The following COPG2 variants were observed in gnomAD, a reference collection of about 807,000 sequenced individuals.
COPG2 encodes coat protein complex I subunit gamma 2, also known as coatomer subunit gamma-2.
COPG2 carries 37 observed loss-of-function variants against 46.3 expected under a neutral mutation model. That is an observed-to-expected ratio of 0.80 (90% CI 0.61 to 1.05). COPG2 has a LOEUF of 1.05. COPG2 is among the 50% of genes least tolerant of loss of function. COPG2 has a pLI of 0.00. For missense variants in COPG2, 427 were observed against 387.8 expected, an observed-to-expected ratio of 1.10 and a Z score of -0.85; for synonymous variants, 159 against 129.7, an observed-to-expected ratio of 1.23 and a Z score of -1.53.
intron 20 of COPG2, among the ~76,000 whole-genome samples, chr7:130,517,768 G>C (rs1365972204): frequency 6.6e-6 from 1 of 152,228 alleles, no homozygotes; most frequent in African/African-American, 2.4e-5. Context: ...AGGATAAGAA[G>C]AAAGGATTTT....
chr7:130,650,640 G>A (rs1368347319), intron 5 of COPG2, among the ~76,000 whole-genome samples: 3 of 151,862 alleles, frequency 2.0e-5, no homozygotes, highest in Non-Finnish European at 2.9e-5. Context: ...CCTAATACTT[G>A]GGCTATAAAA....
At chr7:130,609,752 C>G (rs1794805395) in intron 9 of COPG2, among the ~76,000 whole-genome samples, 2 of 152,066 alleles carry the variant, frequency 1.3e-5, no homozygotes, top group Admixed American at 6.5e-5. Context: ...TCTTTAAGTT[C>G]TCTAATCTTT....
chr7:130,605,919 T>G (rs1261528215), intron 9 of COPG2: 2 of 383,008 alleles, frequency 5.2e-6, no homozygotes, highest in Non-Finnish European at 5.2e-6. Context: ...TTTTGGTACC[T>G]GTAAGTGAAG....
In COPG2 at chr7:130,607,840, A is replaced by C. The variant is rs1794764522; in HGVS notation, c.737+3113T>G. Reference sequence around the variant, plus strand: ...TACAGAATGCCCTCAGGAGAATAGCAAAAAAACCCCACAAATTTCACCCAG... The same window carrying C: ...TACAGAATGCCCTCAGGAGAATAGCCAAAAAACCCCACAAATTTCACCCAG... On this transcript the variant is annotated intron_variant, in intron 9 of 23. Transcript: ENST00000425248. 9.7e-6 allele frequency: 5 copies of C among 516,392 alleles called. No homozygotes were observed. In the East Asian group the frequency reaches 2.7e-4, roughly 28 times the overall value. 32.0% of individuals were successfully genotyped at this position (516,392 alleles called of 1,614,324 possible). A position where few individuals can be genotyped will look rare whatever the true frequency, so the allele number is the denominator to read the frequency against.
intron 5 of COPG2, among the ~76,000 whole-genome samples, chr7:130,629,794 T>G (rs925193150): frequency 7.2e-5 from 11 of 152,180 alleles, no homozygotes; most frequent in Admixed American, 6.5e-4. Context: ...TTAGGCATTT[T>G]TATAGACCTA....
intron 15 of COPG2, among the ~76,000 whole-genome samples, chr7:130,551,807 TATA>T (rs1207723065): frequency 3.3e-5 from 5 of 152,374 alleles, no homozygotes; most frequent in South Asian, 2.1e-4. Context: ...CTGCTTCAAT[TATA>T]AGATGCAATC....
intron 20 of COPG2, among the ~76,000 whole-genome samples, chr7:130,524,848 C>T (rs1304514904): frequency 1.3e-5 from 2 of 151,974 alleles, no homozygotes; most frequent in African/African-American, 2.4e-5. Context: ...GGATTGAGTT[C>T]GACAGAGGAA....
At chr7:130,603,890 T>A (rs369182925) in intron 9 of COPG2, 2 of 517,648 alleles carry the variant, frequency 3.9e-6, no homozygotes, top group Non-Finnish European at 7.7e-6. Context: ...AATAACCTAC[T>A]ATTAATCATC....
At chr7:130,550,286 C>A (rs1793516548) in intron 17 of COPG2, among the ~76,000 whole-genome samples, 1 of 151,632 alleles carries the variant, frequency 6.6e-6, no homozygotes, top group South Asian at 2.1e-4. Flanking sequence ...TGGCGCATGC[C>A]TGTAATCCCA....
chr7:130,656,037 T>C (rs1211767530), intron 4 of COPG2, among the ~76,000 whole-genome samples: 1 of 152,186 alleles, frequency 6.6e-6, no homozygotes, highest in Non-Finnish European at 1.5e-5. Flanking sequence ...TATGGCTCAA[T>C]ATACAATCAA....
chr7:130,642,618 T>A (rs1254043833), intron 5 of COPG2, among the ~76,000 whole-genome samples: 1 of 152,252 alleles, frequency 6.6e-6, no homozygotes, highest in African/African-American at 2.4e-5. Flanking sequence ...ATTGCATGAA[T>A]ATACCACAAT....
chr7:130,647,220 T>A (rs1795629939), intron 5 of COPG2, among the ~76,000 whole-genome samples: 1 of 151,690 alleles, frequency 6.6e-6, no homozygotes, highest in Non-Finnish European at 1.5e-5. Flanking sequence ...TTTGTATTTT[T>A]ATATGGGGTT....
At chr7:130,511,095 A>C in intron 20 of COPG2, 1 of 428,956 alleles carries the variant, frequency 2.3e-6, no homozygotes, top group South Asian at 1.8e-5. Context: ...CTGGCAGCTA[A>C]GACAGGAGAG....
At chr7:130,661,405 C>G (rs1795976634) in intron 4 of COPG2, among the ~76,000 whole-genome samples, 1 of 152,198 alleles carries the variant, frequency 6.6e-6, no homozygotes, top group South Asian at 2.1e-4. Flanking sequence ...CCTCTGAACC[C>G]TACTCCAGCA....
rs540888682 is a variant in COPG2 at position 130,631,403 on chromosome 7, C to T, written c.324-14338G>A. On this transcript the variant is annotated intron_variant, in intron 5 of 23. Coordinates refer to ENST00000425248, the MANE Select transcript of COPG2 (RefSeq NM_012133.6). The stretch of plus-strand genomic sequence containing the variant: ...CAACTCCTGACCTCAGGCGATCCAC[C>T]TGCCTCGGTCTCCCAGTGTGCTGGG... 7.4e-4 allele frequency among the ~76,000 whole-genome samples: 113 copies of T among 152,200 alleles called. 2 individuals are homozygous for T. The South Asian group carries it at 0.023, about 31-fold the overall frequency.
At chr7:130,586,609 C>T (rs1794275546) in intron 9 of COPG2, among the ~76,000 whole-genome samples, 1 of 151,904 alleles carries the variant, frequency 6.6e-6, no homozygotes, top group South Asian at 2.1e-4. Flanking sequence ...ACTACAGGCA[C>T]CCGCCACCAC....
intron 9 of COPG2, among the ~76,000 whole-genome samples, chr7:130,587,565 G>A (rs1275204755): frequency 3.3e-5 from 5 of 151,890 alleles, no homozygotes; most frequent in South Asian, 2.1e-4. Flanking sequence ...TTTAATAAAC[G>A]GTGCTGGGAA....
chr7:130,509,962 G>T (rs1554440822), intron 20 of COPG2: 2 of 471,692 alleles, frequency 4.2e-6, no homozygotes, highest in East Asian at 6.5e-5. Flanking sequence ...AAGGAAAGAG[G>T]CCAGAAAGTC....
chr7:130,577,039 T>C (rs1489268754), intron 9 of COPG2, among the ~76,000 whole-genome samples: 2 of 151,914 alleles, frequency 1.3e-5, no homozygotes, highest in African/African-American at 2.4e-5. Context: ...GCTGGAAAAA[T>C]ACAACTCTCC....
Sources: allele counts gnomAD v4.1 joint callset (sites outside exome capture counted in the v4.1 genomes callset), GRCh38; gene constraint gnomAD v4.1.1; transcripts MANE v1.5; gene names NCBI Gene and HGNC (gene_info 2026-07-23, HGNC 2026-07-21).